The following RBMS1 variants were observed in gnomAD, a reference collection of about 807,000 sequenced individuals.
The protein encoded by RBMS1 is RNA binding motif single stranded interacting protein 1.
RBMS1 carries 17 observed loss-of-function variants against 62.3 expected under a neutral mutation model. The ratio of observed to expected loss-of-function variants is 0.27; its 90% CI spans 0.19 to 0.41. RBMS1 has a LOEUF of 0.41. Ranked by LOEUF, RBMS1 falls within the 10% of genes least tolerant of loss-of-function variation. The probability of loss-of-function intolerance (pLI) is 1.00; values close to 1 mark genes in which losing one functional copy is unlikely to be tolerated. For synonymous variants in RBMS1, 172 were observed against 170.0 expected, an observed-to-expected ratio of 1.01 and a Z score of -0.09; for missense variants, 334 against 504.5, an observed-to-expected ratio of 0.66 and a Z score of 3.24.
intron 6 of RBMS1, among the ~76,000 whole-genome samples, chr2:160,289,179 G>C (rs1265562855): frequency 6.6e-6 from 1 of 152,188 alleles, no homozygotes; most frequent in Non-Finnish European, 1.5e-5. Flanking sequence ...AACATCAAGG[G>C]AGTGATGACA....
At chr2:160,434,149 G>A (rs1041625081) in intron 1 of RBMS1, among the ~76,000 whole-genome samples, 2 of 152,106 alleles carry the variant, frequency 1.3e-5, no homozygotes, top group Non-Finnish European at 2.9e-5. Context: ...CTGTAGTAAA[G>A]GAGCTTGTTA....
At chr2:160,455,523 G>T (rs1171768060) in intron 1 of RBMS1, among the ~76,000 whole-genome samples, 3 of 152,218 alleles carry the variant, frequency 2.0e-5, no homozygotes, top group Non-Finnish European at 4.4e-5. Context: ...ACTGTGGCTG[G>T]CAAGCAGTCA....
intron 1 of RBMS1, among the ~76,000 whole-genome samples, chr2:160,442,037 T>G (rs548802660): frequency 4.5e-4 from 69 of 152,364 alleles, no homozygotes; most frequent in African/African-American, 1.6e-3. Context: ...CCTTTATGTA[T>G]TCCAGATCCA....
At chr2:160,302,030 T>C (rs1351538333) in intron 5 of RBMS1, among the ~76,000 whole-genome samples, 1 of 152,164 alleles carries the variant, frequency 6.6e-6, no homozygotes, top group African/African-American at 2.4e-5. Context: ...TCAGCTTTTA[T>C]ACATGGGCTT....
intron 1 of RBMS1, among the ~76,000 whole-genome samples, chr2:160,435,679 A>G (rs552032636): frequency 6.6e-6 from 1 of 152,360 alleles, no homozygotes; most frequent in South Asian, 2.1e-4. Context: ...CTATGAGAAA[A>G]GAAACCTATA....
intron 1 of RBMS1, among the ~76,000 whole-genome samples, chr2:160,473,421 T>C (rs1685002382): frequency 6.6e-6 from 1 of 152,230 alleles, no homozygotes; most frequent in Non-Finnish European, 1.5e-5. Context: ...TCATGGAATT[T>C]GTCATTTAAA....
intron 1 of RBMS1, among the ~76,000 whole-genome samples, chr2:160,401,729 G>A (rs1176438243): frequency 6.6e-6 from 1 of 152,154 alleles, no homozygotes; most frequent in East Asian, 1.9e-4. Flanking sequence ...AAATTAAAAA[G>A]TAGCATTTTT....
At chr2:160,392,915 G>C (rs1694940274) in intron 1 of RBMS1, among the ~76,000 whole-genome samples, 1 of 151,992 alleles carries the variant, frequency 6.6e-6, no homozygotes, top group South Asian at 2.1e-4. Context: ...AAAAGAGAGA[G>C]AGAAAGGACC....
At chr2:160,360,307 A>G (rs1693054503) in intron 2 of RBMS1, among the ~76,000 whole-genome samples, 1 of 152,114 alleles carries the variant, frequency 6.6e-6, no homozygotes, top group African/African-American at 2.4e-5. Context: ...CCTCTCACCT[A>G]TGAGAGTCCT....
intron 2 of RBMS1, among the ~76,000 whole-genome samples, chr2:160,331,008 C>T (rs947710374): frequency 2.0e-5 from 3 of 152,088 alleles, no homozygotes; most frequent in Non-Finnish European, 4.4e-5. Context: ...GGGAGAGATT[C>T]CTGCAAGCCA....
intron 1 of RBMS1, among the ~76,000 whole-genome samples, chr2:160,488,428 T>C (rs188481075): frequency 2.6e-5 from 4 of 151,964 alleles, no homozygotes; most frequent in South Asian, 4.2e-4. Flanking sequence ...ATACAAAAAT[T>C]AGGGAGGAAT....
chr2:160,396,844 T>C (rs935891022), intron 1 of RBMS1, among the ~76,000 whole-genome samples: 2 of 152,170 alleles, frequency 1.3e-5, no homozygotes, highest in African/African-American at 4.8e-5. Flanking sequence ...ATTACAGGCG[T>C]GAGCCACCGC....
intron 2 of RBMS1, among the ~76,000 whole-genome samples, chr2:160,334,586 A>C (rs1222732020): frequency 6.6e-6 from 1 of 152,176 alleles, no homozygotes; most frequent in Non-Finnish European, 1.5e-5. Context: ...GTTCCACTGA[A>C]GCTCTTTGAG....
intron 1 of RBMS1, among the ~76,000 whole-genome samples, chr2:160,437,931 C>G (rs1169059494): frequency 5.6e-5 from 8 of 141,926 alleles, no homozygotes; most frequent in Non-Finnish European, 1.1e-4. Flanking sequence ...AAGAGCCTGA[C>G]TCTTAAAAGG....
chr2:160,440,341 T>C (rs889677652), intron 1 of RBMS1, among the ~76,000 whole-genome samples: 2 of 152,078 alleles, frequency 1.3e-5, no homozygotes, highest in Admixed American at 6.5e-5. Context: ...ACAAGAACAA[T>C]TCTGACACCT....
chr2:160,443,184 T>A (rs1424976795), intron 1 of RBMS1, among the ~76,000 whole-genome samples: 2 of 147,070 alleles, frequency 1.4e-5, no homozygotes, highest in Admixed American at 6.9e-5. Context: ...CCAGCCTGCG[T>A]GACAGTGAGA....
At chr2:160,395,346 C>T (rs913264666) in intron 1 of RBMS1, among the ~76,000 whole-genome samples, 4 of 152,066 alleles carry the variant, frequency 2.6e-5, no homozygotes, top group Non-Finnish European at 5.9e-5. Context: ...TGCTGAAGGC[C>T]GGGCGCAGTG....
At chr2:160,440,918 T>C (rs993696501) in intron 1 of RBMS1, among the ~76,000 whole-genome samples, 5 of 152,198 alleles carry the variant, frequency 3.3e-5, no homozygotes, top group Non-Finnish European at 7.4e-5. Flanking sequence ...ATAAAATACA[T>C]AGATCTTAAG....
intron 2 of RBMS1, among the ~76,000 whole-genome samples, chr2:160,349,552 A>AG (rs1573909059): frequency 1.4e-5 from 2 of 141,214 alleles, no homozygotes; most frequent in Admixed American, 7.4e-5. Flanking sequence ...TCAGAGACAG[A>AG]AAGAGAGAGA....
Sources: allele counts gnomAD v4.1 joint callset (sites outside exome capture counted in the v4.1 genomes callset), GRCh38; gene constraint gnomAD v4.1.1; transcripts MANE v1.5; gene names NCBI Gene and HGNC (gene_info 2026-07-23, HGNC 2026-07-21).